GALNT13: variants seen among roughly 807,000 people sequenced by gnomAD.
The protein encoded by GALNT13 is polypeptide N-acetylgalactosaminyltransferase 13, also known as UDP-GalNAc:polypeptide N-acetylgalactosaminyltransferase 13.
A neutral mutation model predicts 64.2 loss-of-function variants in GALNT13; 28 were observed. That is an observed-to-expected ratio of 0.44 (90% confidence interval 0.32 to 0.60). GALNT13 has a LOEUF of 0.60. GALNT13 is among the 20% of genes least tolerant of loss of function. GALNT13 has a pLI of 0.05. For synonymous variants in GALNT13, 214 were observed against 224.6 expected, an observed-to-expected ratio of 0.95 and a Z score of 0.42; for missense variants, 577 against 669.8, an observed-to-expected ratio of 0.86 and a Z score of 1.53.
chr2:153,931,575 T>C (rs1002290934), intron 2 of GALNT13, among the ~76,000 whole-genome samples: 2 of 152,174 alleles, frequency 1.3e-5, no homozygotes, highest in Non-Finnish European at 2.9e-5. Context: ...TTGAATTTTA[T>C]TGAAAACTTT....
chr2:154,023,758 G>C (rs1267355855), intron 3 of GALNT13, among the ~76,000 whole-genome samples: 1 of 152,114 alleles, frequency 6.6e-6, no homozygotes, highest in African/African-American at 2.4e-5. Flanking sequence ...TGGTTATTTT[G>C]CTCGTTAGTT....
chr2:154,432,623 T>C (rs1700760847), intron 11 of GALNT13, among the ~76,000 whole-genome samples: 1 of 152,166 alleles, frequency 6.6e-6, no homozygotes, highest in Admixed American at 6.5e-5. Context: ...GAATCATCTT[T>C]TTCCTCTTCT....
At chr2:153,718,194 C>T in the GALNT13 span, among the ~76,000 whole-genome samples, 1 of 151,740 alleles carries the variant, frequency 6.6e-6, no homozygotes, top group East Asian at 1.9e-4. Flanking sequence ...AAACCAAAAA[C>T]ATGCTTAAAA....
chr2:153,348,120 G>C, the GALNT13 span, among the ~76,000 whole-genome samples: 1 of 152,124 alleles, frequency 6.6e-6, no homozygotes, highest in East Asian at 1.9e-4. Flanking sequence ...ACTCCTAGCT[G>C]CAGCTTACTT....
At chr2:154,252,741 A>AGAT (rs1042020870) in intron 7 of GALNT13, among the ~76,000 whole-genome samples, 1 of 140,860 alleles carries the variant, frequency 7.1e-6, no homozygotes, top group African/African-American at 2.5e-5. Context: ...ATAGATAGAT[A>AGAT]GATAGATAGA....
chr2:153,870,575 A>G (rs547558691), upstream of GALNT13, among the ~76,000 whole-genome samples: 1 of 152,060 alleles, frequency 6.6e-6, no homozygotes, highest in East Asian at 1.9e-4. Flanking sequence ...TCTCTGGTAA[A>G]TGCTCCATAA....
At chr2:154,242,008 C>T in intron 4 of GALNT13, 22 bp from the exon 5 acceptor site, 2 of 1,491,978 alleles carry the variant, frequency 1.3e-6, no homozygotes, top group East Asian at 2.3e-5. Flanking sequence ...TATTAAGATC[C>T]CTCTTCTTTT....
the GALNT13 span, among the ~76,000 whole-genome samples, chr2:153,505,125 G>A: frequency 6.6e-6 from 1 of 152,072 alleles, no homozygotes; most frequent in Non-Finnish European, 1.5e-5. Context: ...TATATTTCCA[G>A]GAATCTGTCC....
chr2:153,772,006 G>C, the GALNT13 span, among the ~76,000 whole-genome samples: 1 of 152,154 alleles, frequency 6.6e-6, no homozygotes, highest in Non-Finnish European at 1.5e-5. Context: ...TCACAAATCT[G>C]TCTCTGGCTG....
At chr2:154,058,274 C>A (rs1699999594) in intron 3 of GALNT13, among the ~76,000 whole-genome samples, 1 of 137,698 alleles carries the variant, frequency 7.3e-6, no homozygotes, top group South Asian at 2.2e-4. Context: ...ATTCTGATCT[C>A]CTCCAGACTC....
At chr2:154,330,275 A>G (rs1695096255) in intron 9 of GALNT13, among the ~76,000 whole-genome samples, 1 of 152,132 alleles carries the variant, frequency 6.6e-6, no homozygotes. Flanking sequence ...TAAAGCCTCT[A>G]TTCCTGATTG....
chr2:154,110,282 T>G (rs193031259), intron 3 of GALNT13, among the ~76,000 whole-genome samples: 467 of 2,072 alleles, frequency 0.23, 17 homozygotes, highest in South Asian at 0.39. Context: ...TAATAGGATA[T>G]ATATATATAT....
At chr2:153,619,247 A>T in the GALNT13 span, among the ~76,000 whole-genome samples, 1 of 152,008 alleles carries the variant, frequency 6.6e-6, no homozygotes, top group Non-Finnish European at 1.5e-5. Flanking sequence ...ATAACCCACT[A>T]TTTCAACCAG....
chr2:153,739,879 C>T, the GALNT13 span, among the ~76,000 whole-genome samples: 5 of 151,498 alleles, frequency 3.3e-5, no homozygotes, highest in Non-Finnish European at 5.9e-5. Flanking sequence ...TAGATTCTAT[C>T]TTCTAATGCA....
intron 3 of GALNT13, among the ~76,000 whole-genome samples, chr2:154,121,271 G>C (rs1356348013): frequency 6.6e-6 from 1 of 152,160 alleles, no homozygotes; most frequent in Non-Finnish European, 1.5e-5. Context: ...TCTGTTGGGG[G>C]TGGGGAAGTG....
intron 11 of GALNT13, among the ~76,000 whole-genome samples, chr2:154,425,033 G>C (rs1037338674): frequency 1.3e-5 from 2 of 152,176 alleles, no homozygotes; most frequent in African/African-American, 4.8e-5. Flanking sequence ...ATTGTGTCCG[G>C]TGAAGAGTAC....
the GALNT13 span, among the ~76,000 whole-genome samples, chr2:153,816,207 TAG>T: frequency 1.3e-5 from 2 of 152,116 alleles, no homozygotes; most frequent in Non-Finnish European, 2.9e-5. Context: ...ACTTTAAAGG[TAG>T]TCAGGGACAA....
chr2:153,766,165 A>C, the GALNT13 span, among the ~76,000 whole-genome samples: 2 of 151,326 alleles, frequency 1.3e-5, no homozygotes, highest in Non-Finnish European at 2.9e-5. Flanking sequence ...TTCCTTTAGC[A>C]GTTTGAATAT....
chr2:153,150,788 T>C, the GALNT13 span, among the ~76,000 whole-genome samples: 2 of 152,120 alleles, frequency 1.3e-5, no homozygotes, highest in African/African-American at 4.8e-5. Flanking sequence ...GTTGTAGATA[T>C]GCGGCATTAT....
Sources: allele counts gnomAD v4.1 joint callset (sites outside exome capture counted in the v4.1 genomes callset), GRCh38; gene constraint gnomAD v4.1.1; transcripts MANE v1.5; gene names NCBI Gene and HGNC (gene_info 2026-07-23, HGNC 2026-07-21).